PLXND1: variants seen among roughly 807,000 people sequenced by gnomAD.
PLXND1 encodes the protein plexin D1.
A neutral mutation model predicts 197.7 loss-of-function variants in PLXND1; 54 were observed. That is an observed-to-expected ratio of 0.27 (90% CI 0.22 to 0.34). The LOEUF (loss-of-function observed/expected upper bound fraction) is 0.34. Ranked by LOEUF, PLXND1 falls within the 10% of genes least tolerant of loss-of-function variation. The pLI, the probability that PLXND1 is intolerant of heterozygous loss-of-function variation, is 1.00. For missense variants in PLXND1, 2,127 were observed against 2,699.2 expected, an observed-to-expected ratio of 0.79 and a Z score of 4.70; for synonymous variants, 1,180 against 1,161.2, an observed-to-expected ratio of 1.02 and a Z score of -0.33.
chr3:129,583,389 G>A (rs757029641), intron 8 of PLXND1, among the ~76,000 whole-genome samples, 178 bp downstream of exon 8: 7 of 152,188 alleles, frequency 4.6e-5, no homozygotes, highest in Non-Finnish European at 8.8e-5. Flanking sequence ...GAAATAATTA[G>A]TATGTCCAAC....
chr3:129,579,780 G>A (rs1211696857), intron 8 of PLXND1, among the ~76,000 whole-genome samples: 1 of 152,234 alleles, frequency 6.6e-6, no homozygotes, highest in African/African-American at 2.4e-5. Context: ...GTGTGTCCAC[G>A]TGAGGTCACC....
In PLXND1 at chr3:129,573,751, A is replaced by G. The variant is rs1369856796; in HGVS notation, c.2686-6T>C. On this transcript the variant is annotated splice_region_variant and splice_polypyrimidine_tract_variant and intron_variant, in intron 12 of 35. Transcript: ENST00000324093. ...GGGCCACTCAGGGGCTCAATCTGCC[A>G]GGTGACCCGAGAGAGGGGCGAATGG... is the stretch of plus-strand genomic sequence containing the variant. The G allele has an allele frequency of 6.2e-7, 1 of 1,612,450 alleles. No individual in the cohort carries two copies. The highest frequency in any genetic ancestry group is 1.1e-5 in the South Asian group (1 of 90,870).
chr3:129,604,936 G>C (rs1236469904), intron 1 of PLXND1, among the ~76,000 whole-genome samples: 1 of 152,210 alleles, frequency 6.6e-6, no homozygotes, highest in East Asian at 1.9e-4. Flanking sequence ...ACAGGCTCAC[G>C]CAGTGGCCCC....
chr3:129,575,685 G>C (rs954757099), intron 10 of PLXND1, 81 bp downstream of exon 10: 5 of 1,236,814 alleles, frequency 4.0e-6, no homozygotes, highest in Non-Finnish European at 4.7e-6. Flanking sequence ...AAGGTAGAGA[G>C]AGGCAGGGTG....
chr3:129,571,474 C>A, intron 17 of PLXND1, 35 bp downstream of exon 17: 3 of 1,592,634 alleles, frequency 1.9e-6, no homozygotes, highest in Non-Finnish European at 2.6e-6. Context: ...GCCTGGGCCA[C>A]CCCCTCCCAC....
At position 129,605,390 on chromosome 3, in the gene PLXND1, G is replaced by A. The variant is rs1332536944; in HGVS notation, c.1250C>T (p.Ala417Val). ...GCCCTGCACCACGCTGTCGAGCACC[G>A]CCACCACGTCGGGCGCCGGTTCCAC... is the stretch of plus-strand genomic sequence containing the variant. ...CFVEPAPDVV[A>V]VLDSVVQGTG... The change falls in exon 1 of 36, where the codon GCG becomes GTG. Residue 417 changes from alanine to valine, a missense_variant. Around this residue, in one of 6 missense-constraint regions of PLXND1, gnomAD observed 1,095 missense variants for 1,259.8 expected, o/e 0.87. Coordinates refer to ENST00000324093, the MANE Select transcript of PLXND1 (RefSeq NM_015103.3). 6.7e-7 allele frequency: 1 copy of A among 1,501,614 alleles called. No homozygotes were observed. 93.0% of individuals were successfully genotyped at this position (1,501,614 alleles called of 1,614,324 possible).
At chr3:129,604,091 G>C (rs1328720919) in intron 1 of PLXND1, among the ~76,000 whole-genome samples, 2 of 152,110 alleles carry the variant, frequency 1.3e-5, no homozygotes, top group Admixed American at 1.3e-4. Flanking sequence ...CCGCACCCTT[G>C]TCATGTCAAC....
rs768056731 is a variant in PLXND1 at position 129,560,380 on chromosome 3, G to A, written c.5083C>T (p.Arg1695Cys). 21 of 1,614,030 alleles carry A rather than the reference G, an allele frequency of 1.3e-5. No individual in the cohort carries two copies. In the South Asian group the frequency reaches 2.2e-4, roughly 17 times the overall value. The change falls in exon 31 of 36, where the codon CGC becomes TGC. Residue 1695 changes from arginine (R) to cysteine (C), a missense_variant. Arg to Cys is a radical substitution (Grantham distance 180). Coordinates refer to ENST00000324093, the MANE Select transcript of PLXND1 (RefSeq NM_015103.3). ...TAGATTTCCGGGAGCACCTTCTTGC[G>A]ATGGCTCTGCCGGTGAGACTTCTTG... ...EPKKSHRQSH[R>C]KKVLPEIYLT... is the part of the protein sequence containing the mutation.
At chr3:129,589,314 A>ACCCCCCCCCCCCCCCCC in intron 2 of PLXND1, 37 bp downstream of exon 2, 1 of 346,844 alleles carries the variant, frequency 2.9e-6, no homozygotes, top group Non-Finnish European at 5.7e-6. Flanking sequence ...GGAGCCTCCC[A>ACCCCCCCCCCCCCCCCC]CCCCCACCCC....
chr3:129,578,995 C>G (rs1481780014), intron 8 of PLXND1, among the ~76,000 whole-genome samples: 1 of 152,206 alleles, frequency 6.6e-6, no homozygotes, highest in Non-Finnish European at 1.5e-5. Flanking sequence ...GACACCCCTC[C>G]CCACAGCCCG....
In PLXND1 at chr3:129,583,582, G is replaced by C; in HGVS notation, c.2226C>G (p.Ala742=). The change falls in exon 8 of 36, where the codon GCC becomes GCG. Residue 742 remains alanine, a synonymous_variant. Transcript: ENST00000324093. The part of the protein sequence containing the change: ...SCVSNQSRCE[A]SPNPTSPQDC... The stretch of plus-strand genomic sequence containing the variant: ...CCTGGCTTACCGTGGGGTTTGGTGA[G>C]GCCTCGCACCGAGACTGGTTGGAAA... 6.2e-7 allele frequency: 1 copy of C among 1,613,354 alleles called. No homozygotes were observed. The highest frequency in any genetic ancestry group is 2.2e-5 in the East Asian group (1 of 44,854).
In PLXND1 at chr3:129,572,709, T is replaced by C; in HGVS notation, c.2977A>G (p.Lys993Glu). 6.2e-7 allele frequency: 1 copy of C among 1,600,888 alleles called. No individual in the cohort carries two copies. The change falls in exon 15 of 36, where the codon AAG becomes GAG. Residue 993 changes from lysine (K) to glutamate (E), a missense_variant. Physicochemically the swap from Lys to Glu is moderately conservative, Grantham distance 56 (BLOSUM62 1). This residue lies in a region of PLXND1 where 1,095 missense variants were observed against 1,259.8 expected (regional missense o/e 0.87). Transcript: ENST00000324093. ...VHSLEPTMGP[K>E]AGGTRITIHG... is the part of the protein sequence containing the mutation. ...ATGGTGATCCTGGTGCCCCCGGCCT[T>C]GGGGCCCATGGTAGGCTCCAGGGAG...
Position 129,605,712 on chromosome 3 carries a change from TGTC to T in PLXND1, c.925_927del (p.Asp309del). On this transcript the variant is annotated inframe_deletion, in exon 1 of 36. Transcript: ENST00000324093. ...AGCAGGCTCCGCGCCTGGCTCTCCT[TGTC>T]GCCCGCGCGCGCCTCGCTGTTGAGC... 1 of 1,540,812 alleles carries T rather than the reference TGTC, an allele frequency of 6.5e-7. No homozygotes were observed. The highest frequency in any genetic ancestry group is 8.7e-7 in the Non-Finnish European group (1 of 1,144,968).
intron 8 of PLXND1, 27 bp from the exon 9 acceptor site, chr3:129,578,460 GAC>G (rs778810338): frequency 1.4e-6 from 2 of 1,391,296 alleles, no homozygotes; most frequent in South Asian, 2.5e-5. Context: ...AGGAGAGGGT[GAC>G]ACAGGGGCAT....
chr3:129,598,261 T>C, intron 1 of PLXND1, among the ~76,000 whole-genome samples: 1 of 151,912 alleles, frequency 6.6e-6, no homozygotes, highest in East Asian at 1.9e-4. Context: ...TGCTCCAACC[T>C]CCCCTCCTCC....
At chr3:129,562,969 GGTCA>G (rs1434855111) in intron 26 of PLXND1, 26 bp from the exon 27 acceptor site, 1 of 1,602,312 alleles carries the variant, frequency 6.2e-7, no homozygotes, top group Non-Finnish European at 8.5e-7. Flanking sequence ...GGGAGAGAAA[GGTCA>G]GTGAGTTGCT....
intron 25 of PLXND1, among the ~76,000 whole-genome samples, chr3:129,564,448 C>A (rs1338119653): frequency 6.6e-6 from 1 of 152,236 alleles, no homozygotes; most frequent in Non-Finnish European, 1.5e-5. Context: ...GAGTTTGGGA[C>A]CAGCCTGTGC....
Position 129,556,400 on chromosome 3 carries a change from G to C in PLXND1, c.5690C>G (p.Thr1897Arg). Residue 1897 changes from threonine to arginine, a missense_variant, in exon 36 of 36, where the codon ACG becomes AGG. Physicochemically the swap from Thr to Arg is moderately conservative, Grantham distance 71 (BLOSUM62 -1). This residue lies in a region of PLXND1 where 200 missense variants were observed against 303.3 expected (regional missense o/e 0.66). Coordinates refer to ENST00000324093, the MANE Select transcript of PLXND1 (RefSeq NM_015103.3). ...QIMAALEANP[T>R]ARRTQLQHKF... ...GTGCTGCAGTTGTGTCCTCCGGGCC[G>C]TGGGGTTGGCCTCCAGCGCGGCCAT... 1 of 1,614,094 alleles carries C rather than the reference G, an allele frequency of 6.2e-7. No homozygotes were observed. Among genetic ancestry groups the C allele is most frequent in the Non-Finnish European group, 8.5e-7 (1 of 1,179,930 alleles).
At chr3:129,598,305 T>TCA (rs2085657467) in intron 1 of PLXND1, among the ~76,000 whole-genome samples, 1 of 151,984 alleles carries the variant, frequency 6.6e-6, no homozygotes, top group Non-Finnish European at 1.5e-5. Flanking sequence ...GATGAGCTGG[T>TCA]TAGTGTGTGG....
Sources: gnomAD v4.1 joint callset for allele counts (sites outside exome capture counted in the v4.1 genomes callset) on GRCh38, gnomAD v4.1.1 for gene constraint, gnomAD v4.1.1 regional missense constraint, MANE v1.5 for transcripts, NCBI Gene and HGNC (gene_info 2026-07-23, HGNC 2026-07-21) for gene names.